Variants in ZNF708 observed in about 807,000 individuals in gnomAD.
The protein encoded by ZNF708 is ZNF15, ZNF15L1.
A neutral mutation model predicts 47.0 loss-of-function variants in ZNF708; 44 were observed. The ratio of observed to expected loss-of-function variants is 0.94; its 90% CI spans 0.74 to 1.20. The LOEUF (loss-of-function observed/expected upper bound fraction) is 1.20, where lower values mean the gene tolerates loss of function less well. Among genes scored for constraint, ZNF708 ranks in the 50% most tolerant of loss-of-function variants. ZNF708 has a pLI of 0.00. For missense variants in ZNF708, 557 were observed against 656.0 expected (o/e 0.85, Z 1.65); for synonymous variants, 184 against 218.5 (o/e 0.84, Z 1.39).
intron 1 of ZNF708, among the ~76,000 whole-genome samples, chr19:21,317,111 C>T (rs181762492): frequency 7.4e-5 from 8 of 108,274 alleles, no homozygotes; most frequent in African/African-American, 3.1e-4. Context: ...ATCTCTACTA[C>T]AAATACAAAA....
chr19:21,317,057 G>T (rs968224706), intron 1 of ZNF708, among the ~76,000 whole-genome samples: 9 of 150,678 alleles, frequency 6.0e-5, no homozygotes, highest in African/African-American at 2.2e-4. Flanking sequence ...GAAGTGCTGG[G>T]ATTACAGGTG....
chr19:21,329,353 G>T lies in ZNF708; in HGVS notation c.-141C>A. The stretch of plus-strand genomic sequence containing the variant: ...GACCGGAGCTCCGGCTGCAGCAAGA[G>T]ACAAAGGCCGCGCCAAACCCGGAAG... On this transcript the variant is annotated 5_prime_UTR_variant, in exon 1 of 4. Coordinates refer to ENST00000356929, the MANE Select transcript of ZNF708 (RefSeq NM_021269.3). 1 of 1,356,508 alleles carries T rather than the reference G, an allele frequency of 7.4e-7. No homozygotes were observed. Among genetic ancestry groups the T allele is most frequent in the Non-Finnish European group, 1.0e-6 (1 of 970,760 alleles). The allele number at this position is 1,356,508 out of a possible 1,614,324, so 84.0% of individuals were successfully genotyped here.
intron 2 of ZNF708, among the ~76,000 whole-genome samples, chr19:21,309,802 T>A (rs996685902): frequency 6.6e-6 from 1 of 152,238 alleles, no homozygotes; most frequent in African/African-American, 2.4e-5. Flanking sequence ...TACTAACTTA[T>A]AACAAAATTT....
In ZNF708 at chr19:21,309,331, C is replaced by T. The variant is rs781155370; in HGVS notation, c.141G>A (p.Val47=). ...GACAGGTGATCAGGTCTAAATTAGACACAGCAATACCTGTTTTATTAAAAA... is the reference window on the plus strand; with the variant it reads ...GACAGGTGATCAGGTCTAAATTAGATACAGCAATACCTGTTTTATTAAAAA... ...YRNLVFLGIA[V]SNLDLITCLE... Residue 47 remains valine, a synonymous_variant, in exon 3 of 4, where the codon GTG becomes GTA. Transcript: ENST00000356929. 34 of 1,589,296 alleles carry T rather than the reference C, an allele frequency of 2.1e-5. No homozygotes were observed. In the Admixed American group the frequency reaches 3.8e-4, roughly 18 times the overall value.
intron 1 of ZNF708, among the ~76,000 whole-genome samples, chr19:21,316,980 T>C (rs1019156313): frequency 6.6e-6 from 1 of 151,620 alleles, no homozygotes; most frequent in Non-Finnish European, 1.5e-5. Context: ...AGAGACGGGG[T>C]TTCTCCATGT....
chr19:21,304,281 C>T (rs1176319993), intron 3 of ZNF708, among the ~76,000 whole-genome samples: 1 of 150,262 alleles, frequency 6.7e-6, no homozygotes, highest in Non-Finnish European at 1.5e-5. Context: ...TTTTAACCAA[C>T]CAGCTCTCAT....
intron 3 of ZNF708, among the ~76,000 whole-genome samples, chr19:21,298,712 A>T (rs1205575770): frequency 2.6e-5 from 4 of 152,218 alleles, no homozygotes; most frequent in Admixed American, 6.5e-5. Flanking sequence ...ATAAAATAGA[A>T]TCCAGCACAT....
At position 21,293,422 on chromosome 19, in the gene ZNF708, T is replaced by G; in HGVS notation, c.1544A>C (p.Gln515Pro). 1 of 1,609,762 alleles carries G rather than the reference T, an allele frequency of 6.2e-7. No individual in the cohort carries two copies. The highest frequency in any genetic ancestry group is 8.5e-7 in the Non-Finnish European group (1 of 1,177,828). The change falls in exon 4 of 4, where the codon CAG becomes CCG. Residue 515 changes from glutamine (Q) to proline (P), a missense_variant. Gln to Pro is a moderately conservative substitution (Grantham distance 76). Transcript: ENST00000356929. ...CTTATGTTTCATAAGGGTTGAGGAC[T>G]GGTTAAAAGCTTTGCCACATTCTTT... ...KCKECGKAFNQSSTLMKHKII... is the reference protein window; with the variant it reads ...KCKECGKAFNPSSTLMKHKII...
At chr19:21,325,833 T>C (rs1246286598) in intron 1 of ZNF708, among the ~76,000 whole-genome samples, 1 of 152,160 alleles carries the variant, frequency 6.6e-6, no homozygotes, top group Non-Finnish European at 1.5e-5. Context: ...AAAGGACTAA[T>C]ATCTAGAGTC....
Position 21,294,652 on chromosome 19 carries a change from T to C in ZNF708, c.314A>G (p.Lys105Arg). Residue 105 changes from lysine (K) to arginine (R), a missense_variant, in exon 4 of 4, where the codon AAA becomes AGA. Physicochemically the swap from Lys to Arg is conservative, Grantham distance 26. Transcript: ENST00000356929. Reference sequence around the variant, plus strand: ...TTTACAGCCTTTCTGATATCCACATTTTCCATATCTTCTCAGTATCACTTG... The same window carrying C: ...TTTACAGCCTTTCTGATATCCACATCTTCCATATCTTCTCAGTATCACTTG... ...FQQVILRRYG[K>R]CGYQKGCKSV... The C allele has an allele frequency of 6.2e-7, 1 of 1,614,142 alleles. No homozygotes were observed. Among genetic ancestry groups the C allele is most frequent in the African/African-American group, 1.3e-5 (1 of 75,074 alleles).
chr19:21,294,284 C>A lies in ZNF708; in HGVS notation c.682G>T (p.Glu228Ter). Residue 228 changes from glutamate (E) to a stop codon, truncating the protein, a stop_gained, in exon 4 of 4, where the codon GAA becomes TAA. Transcript: ENST00000356929. LOFTEE classifies it high-confidence loss of function. ...HTGEKPYKCE[E>*]CGKAFNQSST... ...GACTGGTTAAAAGCTTTTCCACATT[C>A]TTCACATTTGTAGGGTTTCTCTCCA... 1.2e-6 allele frequency: 2 copies of A among 1,613,058 alleles called. No individual in the cohort carries two copies. Among genetic ancestry groups the A allele is most frequent in the Non-Finnish European group, 1.7e-6 (2 of 1,179,938 alleles).
At chr19:21,311,606 A>C (rs2145172064) in intron 1 of ZNF708, among the ~76,000 whole-genome samples, 1 of 152,248 alleles carries the variant, frequency 6.6e-6, no homozygotes, top group South Asian at 2.1e-4. Context: ...TTTTAGGTAG[A>C]CATCTTGAGA....
chr19:21,298,987 A>G (rs1972600136), intron 3 of ZNF708, among the ~76,000 whole-genome samples: 1 of 152,240 alleles, frequency 6.6e-6, no homozygotes, highest in Non-Finnish European at 1.5e-5. Flanking sequence ...TATGTCTAAC[A>G]GTTACACTCT....
chr19:21,324,870 T>C (rs979396578), intron 1 of ZNF708, among the ~76,000 whole-genome samples: 2 of 152,198 alleles, frequency 1.3e-5, no homozygotes, highest in African/African-American at 4.8e-5. Flanking sequence ...AAAGAGGAGC[T>C]GATGCTTTCA....
At chr19:21,303,684 T>C (rs1480492695) in intron 3 of ZNF708, among the ~76,000 whole-genome samples, 2 of 152,000 alleles carry the variant, frequency 1.3e-5, no homozygotes, top group Non-Finnish European at 2.9e-5. Flanking sequence ...TAGCATTGCA[T>C]TGAATAGACT....
At chr19:21,321,141 A>AAAAAG (rs58726773) in intron 1 of ZNF708, among the ~76,000 whole-genome samples, 157 of 151,466 alleles carry the variant, frequency 1.0e-3, no homozygotes, top group South Asian at 7.5e-3. Flanking sequence ...TCATCTTAAA[A>AAAAAG]AAAAGAAAAG....
At chr19:21,327,956 A>G in intron 1 of ZNF708, 1 of 1,030,356 alleles carries the variant, frequency 9.7e-7, no homozygotes, top group East Asian at 8.2e-5. Flanking sequence ...GCTACACTCC[A>G]TACCTCAGGT....
chr19:21,295,747 A>G (rs1249208241), intron 3 of ZNF708, among the ~76,000 whole-genome samples: 1 of 151,116 alleles, frequency 6.6e-6, no homozygotes, highest in East Asian at 1.9e-4. Context: ...CTCCATCTCA[A>G]AAAAAAAAGA....
chr19:21,328,964 C>G (rs1973316553), intron 1 of ZNF708, among the ~76,000 whole-genome samples: 1 of 152,136 alleles, frequency 6.6e-6, no homozygotes, highest in South Asian at 2.1e-4. Flanking sequence ...GGTGCAGAGC[C>G]GCCCAGAGAG....
Sources: allele counts gnomAD v4.1 joint callset (sites outside exome capture counted in the v4.1 genomes callset), GRCh38; gene constraint gnomAD v4.1.1; transcripts MANE v1.5; gene names NCBI Gene and HGNC (gene_info 2026-07-23, HGNC 2026-07-21).